RIT2: variants seen among roughly 807,000 people sequenced by gnomAD.
RIT2 encodes the protein GTP-binding protein Rit2.
Under a neutral mutation model 23.7 loss-of-function variants are expected in RIT2, and 24 were observed. That is an observed-to-expected ratio of 1.01 (90% confidence interval 0.73 to 1.43). The LOEUF (loss-of-function observed/expected upper bound fraction) is 1.43, where lower values mean the gene tolerates loss of function less well. RIT2 is among the 40% of genes most tolerant of loss of function. The probability of loss-of-function intolerance (pLI) is 0.00; values close to 1 mark genes in which losing one functional copy is unlikely to be tolerated. For synonymous variants in RIT2, 107 were observed against 91.1 expected, an observed-to-expected ratio of 1.17 and a Z score of -0.99; for missense variants, 236 against 266.9, an observed-to-expected ratio of 0.88 and a Z score of 0.81.
chr18:43,058,136 C>CT (rs1255827719), intron 1 of RIT2, among the ~76,000 whole-genome samples: 1 of 152,078 alleles, frequency 6.6e-6, no homozygotes, highest in Non-Finnish European at 1.5e-5. Flanking sequence ...TGGTACATGG[C>CT]TTAGAAGCAC....
chr18:43,018,072 C>G (rs1489543883), intron 2 of RIT2, among the ~76,000 whole-genome samples: 2 of 151,944 alleles, frequency 1.3e-5, no homozygotes, highest in Non-Finnish European at 2.9e-5. Context: ...AGGGGGTGCC[C>G]TAGTAAGTTG....
Position 43,046,027 on chromosome 18 carries a change from A to G in RIT2, c.104-12160T>C, listed in dbSNP as rs1165305138. Among the ~76,000 whole-genome samples, 3 of 152,096 alleles carry G rather than the reference A, an allele frequency of 2.0e-5. No individual in the cohort carries two copies. In the South Asian group the frequency reaches 6.2e-4, roughly 32 times the overall value. ...TTAACTGTATTTTTCTTTTCACAAC[A>G]TATGTGAAATGACATCAATCTAAAG... is the stretch of plus-strand genomic sequence containing the variant. On this transcript the variant is annotated intron_variant, in intron 1 of 4. Coordinates refer to ENST00000326695, the MANE Select transcript of RIT2 (RefSeq NM_002930.4).
At chr18:42,978,873 G>A (rs1415265720) in intron 2 of RIT2, among the ~76,000 whole-genome samples, 1 of 152,024 alleles carries the variant, frequency 6.6e-6, no homozygotes, top group East Asian at 1.9e-4. Context: ...TTTGTAAGAT[G>A]GCGATAATAG....
At chr18:42,923,086 G>A (rs1909092647) in intron 4 of RIT2, among the ~76,000 whole-genome samples, 1 of 152,126 alleles carries the variant, frequency 6.6e-6, no homozygotes, top group African/African-American at 2.4e-5. Flanking sequence ...ATGTTATGAG[G>A]TTACAGTTAC....
intron 4 of RIT2, among the ~76,000 whole-genome samples, chr18:42,837,677 G>A (rs901572373): frequency 2.0e-5 from 3 of 152,106 alleles, no homozygotes; most frequent in African/African-American, 4.8e-5. Context: ...ACAGGAAGAT[G>A]AGCAAAGAAA....
chr18:43,040,009 G>A (rs928876176), intron 1 of RIT2, among the ~76,000 whole-genome samples: 3 of 152,106 alleles, frequency 2.0e-5, no homozygotes, highest in Admixed American at 6.6e-5. Flanking sequence ...GTCTAAAAAG[G>A]CCGAGAGAAA....
intron 1 of RIT2, among the ~76,000 whole-genome samples, chr18:43,111,019 C>A (rs1913939644): frequency 6.6e-6 from 1 of 152,018 alleles, no homozygotes. Flanking sequence ...GCAGCACTAG[C>A]AACAATAGCC....
At chr18:43,038,220 C>T (rs1424029248) in intron 1 of RIT2, among the ~76,000 whole-genome samples, 2 of 103,474 alleles carry the variant, frequency 1.9e-5, no homozygotes, top group African/African-American at 3.2e-5. Context: ...AAAAAAAAAG[C>T]AGTTTCAGAT....
At chr18:42,920,204 G>A (rs890979918) in intron 4 of RIT2, among the ~76,000 whole-genome samples, 1 of 152,078 alleles carries the variant, frequency 6.6e-6, no homozygotes, top group Admixed American at 6.6e-5. Flanking sequence ...AAGCATGCTA[G>A]TATCTTGAAG....
At chr18:43,103,839 T>C (rs1160405171) in intron 1 of RIT2, among the ~76,000 whole-genome samples, 1 of 152,146 alleles carries the variant, frequency 6.6e-6, no homozygotes, top group African/African-American at 2.4e-5. Context: ...AGAATCAAAA[T>C]GGTATTTCAG....
intron 2 of RIT2, among the ~76,000 whole-genome samples, chr18:43,012,981 A>T (rs1911385716): frequency 6.6e-6 from 1 of 151,796 alleles, no homozygotes. Flanking sequence ...GTTGATAGTA[A>T]GCCATATAAA....
chr18:43,057,467 A>G (rs1034288862), intron 1 of RIT2, among the ~76,000 whole-genome samples: 5 of 152,312 alleles, frequency 3.3e-5, no homozygotes, highest in African/African-American at 1.2e-4. Flanking sequence ...TTGAAAAAGG[A>G]CAAGCTTCTA....
chr18:42,963,761 TGGCA>T (rs1391359924), intron 3 of RIT2, among the ~76,000 whole-genome samples: 5 of 151,322 alleles, frequency 3.3e-5, no homozygotes, highest in Non-Finnish European at 5.9e-5. Context: ...CTGAACATGG[TGGCA>T]GGCACCCATA....
intron 4 of RIT2, among the ~76,000 whole-genome samples, chr18:42,864,184 T>C (rs567111949): frequency 6.6e-6 from 1 of 152,300 alleles, no homozygotes; most frequent in African/African-American, 2.4e-5. Flanking sequence ...CCTTTCTCCC[T>C]TTTATTTGGA....
At chr18:43,080,603 A>G (rs1913134332) in intron 1 of RIT2, among the ~76,000 whole-genome samples, 1 of 152,132 alleles carries the variant, frequency 6.6e-6, no homozygotes, top group Non-Finnish European at 1.5e-5. Flanking sequence ...TTTTGTTTTT[A>G]CATTTAGGCT....
At chr18:43,105,083 C>G in intron 1 of RIT2, among the ~76,000 whole-genome samples, 1 of 150,456 alleles carries the variant, frequency 6.6e-6, no homozygotes, top group Non-Finnish European at 1.5e-5. Context: ...CCAGTCCTTT[C>G]TCTAACAGGC....
Position 43,070,359 on chromosome 18 carries a change from G to A in RIT2, c.104-36492C>T, listed in dbSNP as rs975378318. On this transcript the variant is annotated intron_variant, in intron 1 of 4. Coordinates refer to ENST00000326695, the MANE Select transcript of RIT2 (RefSeq NM_002930.4). ...TTCTGCTTTTAGAAATATTTCAGGA[G>A]ACAAAACCTATGGTGATCCTCTAAT... Among the ~76,000 whole-genome samples the A allele has an allele frequency of 6.6e-5, 10 of 152,086 alleles. No individual in the cohort carries two copies. In the East Asian group the frequency reaches 1.9e-3, roughly 29 times the overall value.
At chr18:42,865,265 A>G (rs1907439115) in intron 4 of RIT2, among the ~76,000 whole-genome samples, 1 of 152,160 alleles carries the variant, frequency 6.6e-6, no homozygotes, top group Non-Finnish European at 1.5e-5. Context: ...TGGGCATGCT[A>G]TGTTGGGCCT....
At chr18:42,796,475 A>AGCACTAC (rs61040179) in intron 4 of RIT2, among the ~76,000 whole-genome samples, 2 of 152,054 alleles carry the variant, frequency 1.3e-5, no homozygotes, top group African/African-American at 4.8e-5. Context: ...TTCCGGACAC[A>AGCACTAC]GCTGGGTGCT....
Sources: allele counts gnomAD v4.1 joint callset (sites outside exome capture counted in the v4.1 genomes callset), GRCh38; gene constraint gnomAD v4.1.1; transcripts MANE v1.5; gene names NCBI Gene and HGNC (gene_info 2026-07-23, HGNC 2026-07-21).